Variants in EIF2B3 observed in about 807,000 individuals in gnomAD.
EIF2B3 encodes the protein translation initiation factor eIF2B subunit gamma.
Under a neutral mutation model 54.1 loss-of-function variants are expected in EIF2B3, and 20 were observed. The observed-to-expected ratio is 0.37, with a 90% CI of 0.26 to 0.54. The LOEUF (loss-of-function observed/expected upper bound fraction) is 0.54, where lower values mean the gene tolerates loss of function less well. Among genes scored for constraint, EIF2B3 ranks in the 20% least tolerant of loss-of-function variants. The probability of loss-of-function intolerance (pLI) is 0.86; values close to 1 mark genes in which losing one functional copy is unlikely to be tolerated. For synonymous variants in EIF2B3, 153 were observed against 188.1 expected (o/e 0.81, Z 1.52); for missense variants, 448 against 547.8 (o/e 0.82, Z 1.82).
chr1:44,879,646 T>G (rs1431148928), intron 8 of EIF2B3, among the ~76,000 whole-genome samples, 172 bp downstream of exon 8: 2 of 152,116 alleles, frequency 1.3e-5, no homozygotes, highest in Non-Finnish European at 2.9e-5. Flanking sequence ...CTGCTTCCCT[T>G]TTTGCTGCAC....
In EIF2B3 at chr1:44,965,634, C is replaced by CTTT. The variant is rs386366856; in HGVS notation, c.294+12678_294+12680dup. On this transcript the variant is annotated intron_variant, in intron 3 of 11. Transcript: ENST00000360403. ...GGGTATCTGAGATGCACAAATGCAT[C>CTTT]TTTTTTTTTTTTTTTTTTTTTTTGA... Among the ~76,000 whole-genome samples, 968 of 102,374 alleles carry CTTT rather than the reference C, an allele frequency of 9.5e-3. 46 individuals carry two copies. Among genetic ancestry groups the CTTT allele is most frequent in the African/African-American group, 0.021 (545 of 25,394 alleles). 67.2% of individuals were successfully genotyped at this position (102,374 alleles called of 152,430 possible).
At chr1:44,883,673 T>C (rs1655484601) in intron 6 of EIF2B3, among the ~76,000 whole-genome samples, 1 of 152,164 alleles carries the variant, frequency 6.6e-6, no homozygotes, top group African/African-American at 2.4e-5. Flanking sequence ...GGAGGCTGAT[T>C]TGAGTAATAA....
chr1:44,857,871 G>T (rs1654487662), intron 10 of EIF2B3, 64 bp from the exon 11 acceptor site: 2 of 1,525,164 alleles, frequency 1.3e-6, no homozygotes, highest in African/African-American at 1.4e-5. Flanking sequence ...ATTACTATTG[G>T]TTGGGGGTTC....
intron 10 of EIF2B3, 158 bp downstream of exon 10, chr1:44,874,520 T>C (rs1655057453): frequency 1.3e-6 from 1 of 760,180 alleles, no homozygotes. Flanking sequence ...AGTAAAGTTT[T>C]TGAGACTTTT....
rs1553167911 is a variant in EIF2B3, at chr1:44,860,007, C to CA, written c.1203-2201_1203-2200insT. ...TCCTGACCTCAGGTGATCCAGCCTT[C>CA]TTTTTTTTTTTTGAGATGGAGTCTT... On this transcript the variant is annotated intron_variant, in intron 10 of 11. Coordinates refer to ENST00000360403, the MANE Select transcript of EIF2B3 (RefSeq NM_020365.5). 1.7e-4 allele frequency among the ~76,000 whole-genome samples: 24 copies of CA among 144,780 alleles called. No homozygotes were observed. In the East Asian group the frequency reaches 2.6e-3, roughly 16 times the overall value. The allele number at this position is 144,780 out of a possible 152,430, so 95.0% of individuals were successfully genotyped here.
At chr1:44,858,325 A>G (rs975024238) in intron 10 of EIF2B3, among the ~76,000 whole-genome samples, 3 of 152,052 alleles carry the variant, frequency 2.0e-5, no homozygotes, top group Non-Finnish European at 4.4e-5. Context: ...AGGCTGACCC[A>G]TCACTGCTGC....
chr1:44,979,323 T>G (rs2148964925), intron 2 of EIF2B3, among the ~76,000 whole-genome samples: 1 of 150,718 alleles, frequency 6.6e-6, no homozygotes, highest in Middle Eastern at 3.5e-3. Context: ...ATATGCCACT[T>G]CTCCTTGATA....
chr1:44,877,865 GC>G (rs1434320769), intron 8 of EIF2B3, among the ~76,000 whole-genome samples: 1 of 152,152 alleles, frequency 6.6e-6, no homozygotes, highest in African/African-American at 2.4e-5. Flanking sequence ...GAATGTGAAG[GC>G]TAATTCCAAG....
chr1:44,908,490 G>A (rs569371232), intron 5 of EIF2B3, among the ~76,000 whole-genome samples: 3 of 152,100 alleles, frequency 2.0e-5, no homozygotes, highest in African/African-American at 7.2e-5. Context: ...TACCAGGAAC[G>A]GTGAAAAGTA....
chr1:44,897,463 TA>T lies in EIF2B3; in HGVS notation c.567-20del. 1 of 1,575,178 alleles carries T rather than the reference TA, an allele frequency of 6.3e-7. No homozygotes were observed. On this transcript the variant is annotated intron_variant, in intron 5 of 11. Coordinates refer to ENST00000360403, the MANE Select transcript of EIF2B3 (RefSeq NM_020365.5). Reference sequence around the variant, plus strand: ...AGGATGCCTGCAAAAAAATAAAAAATAAAAGAAAGAAAGAAGAGGCTCACAA... The same window carrying T: ...AGGATGCCTGCAAAAAAATAAAAAATAAAGAAAGAAAGAAGAGGCTCACAA...
intron 4 of EIF2B3, among the ~76,000 whole-genome samples, chr1:44,938,367 A>AGC (rs113050879): frequency 0.17 from 25,777 of 152,054 alleles, 2,281 homozygotes; most frequent in Non-Finnish European, 0.18. Context: ...TGAAAACTTG[A>AGC]CAGGAGTGAT....
At position 44,925,854 on chromosome 1, in the gene EIF2B3, G is replaced by A. The variant is rs560348784; in HGVS notation, c.566+774C>T. On this transcript the variant is annotated intron_variant, in intron 5 of 11. Coordinates refer to ENST00000360403, the MANE Select transcript of EIF2B3 (RefSeq NM_020365.5). ...CAGGAGAATCGCTTGAACCTGGGAG[G>A]CGGAGGTTACAGTGAGCCAAGATTG... Among the ~76,000 whole-genome samples, 18 of 151,656 alleles carry A rather than the reference G, an allele frequency of 1.2e-4. No homozygotes were observed. In the South Asian group the frequency reaches 3.1e-3, roughly 26 times the overall value.
intron 3 of EIF2B3, among the ~76,000 whole-genome samples, chr1:44,955,701 G>A (rs1478291414): frequency 5.9e-5 from 9 of 151,834 alleles, no homozygotes; most frequent in South Asian, 2.1e-4. Context: ...GTGGGCAAAC[G>A]ATATGAACAG....
At chr1:44,868,397 CAAAAAA>C (rs34094245) in intron 10 of EIF2B3, among the ~76,000 whole-genome samples, 1 of 65,436 alleles carries the variant, frequency 1.5e-5, no homozygotes, top group African/African-American at 5.5e-5. Flanking sequence ...GACTCCGTCT[CAAAAAA>C]AAAAAAAAAA....
Position 44,870,778 on chromosome 1 carries a change from G to A in EIF2B3, c.1202+3900C>T, listed in dbSNP as rs192365332. ...AGTGACCTTCCTGCCTTAGCCTCCC[G>A]AGTAGCTGGTATTACAGGTGTGTGC... On this transcript the variant is annotated intron_variant, in intron 10 of 11. Transcript: ENST00000360403. Among the ~76,000 whole-genome samples the A allele has an allele frequency of 2.1e-4, 32 of 151,792 alleles. No individual in the cohort carries two copies. The East Asian group carries it at 4.9e-3, about 23-fold the overall frequency.
intron 5 of EIF2B3, among the ~76,000 whole-genome samples, chr1:44,922,920 G>A (rs1234125141): frequency 1.6e-5 from 2 of 126,800 alleles, no homozygotes; most frequent in South Asian, 2.6e-4. Flanking sequence ...ATCTCGGCTC[G>A]CTGTAACCTC....
intron 3 of EIF2B3, among the ~76,000 whole-genome samples, chr1:44,969,014 T>C (rs1644373431): frequency 6.6e-6 from 1 of 152,204 alleles, no homozygotes; most frequent in Non-Finnish European, 1.5e-5. Context: ...TTGAACATTA[T>C]ATGCGCCCTC....
At chr1:44,852,508 G>A (rs563903805) in intron 11 of EIF2B3, among the ~76,000 whole-genome samples, 2 of 152,118 alleles carry the variant, frequency 1.3e-5, no homozygotes, top group East Asian at 3.9e-4. Context: ...CGCTGGGCGC[G>A]GTGGCTCATG....
intron 5 of EIF2B3, among the ~76,000 whole-genome samples, chr1:44,908,756 G>A (rs1299711745): frequency 6.6e-6 from 1 of 152,180 alleles, no homozygotes; most frequent in African/African-American, 2.4e-5. Flanking sequence ...AAAAACTAAT[G>A]GAGAAAAGGT....
Sources: gnomAD v4.1 joint callset for allele counts (sites outside exome capture counted in the v4.1 genomes callset) on GRCh38, gnomAD v4.1.1 for gene constraint, MANE v1.5 for transcripts, NCBI Gene and HGNC (gene_info 2026-07-23, HGNC 2026-07-21) for gene names.